Variants in SCHIP1 observed in about 807,000 individuals in gnomAD.
The protein encoded by SCHIP1 is schwannomin interacting protein 1.
SCHIP1 carries 8 observed loss-of-function variants against 29.7 expected under a neutral mutation model. That is an observed-to-expected ratio of 0.27 (90% CI 0.16 to 0.49). The LOEUF is 0.49. Ranked by LOEUF, SCHIP1 falls within the 20% of genes least tolerant of loss-of-function variation. The pLI, the probability that SCHIP1 is intolerant of heterozygous loss-of-function variation, is 0.99. For missense variants in SCHIP1, 193 were observed against 294.6 expected (o/e 0.66, Z 2.52); for synonymous variants, 76 against 94.9 (o/e 0.80, Z 1.16).
chr3:159,370,752 G>T, the SCHIP1 span, among the ~76,000 whole-genome samples: 6 of 152,166 alleles, frequency 3.9e-5, no homozygotes, highest in Non-Finnish European at 7.3e-5. Context: ...TATCTGACAT[G>T]AGAGTTCCTG....
At chr3:159,384,255 T>A in the SCHIP1 span, among the ~76,000 whole-genome samples, 1 of 151,258 alleles carries the variant, frequency 6.6e-6, no homozygotes, top group East Asian at 1.9e-4. Flanking sequence ...TTGTCATAGA[T>A]AGCTCTTATT....
the SCHIP1 span, among the ~76,000 whole-genome samples, chr3:159,653,777 G>C: frequency 6.7e-6 from 1 of 149,686 alleles, no homozygotes; most frequent in Non-Finnish European, 1.5e-5. Context: ...AGATTTGATA[G>C]ATCAGTAGGT....
At chr3:159,493,988 G>C in the SCHIP1 span, among the ~76,000 whole-genome samples, 1 of 152,036 alleles carries the variant, frequency 6.6e-6, no homozygotes, top group Non-Finnish European at 1.5e-5. Context: ...TGAACAACCT[G>C]CTCCTGAATG....
the SCHIP1 span, among the ~76,000 whole-genome samples, chr3:159,553,561 T>C: frequency 6.6e-6 from 1 of 152,226 alleles, no homozygotes; most frequent in Non-Finnish European, 1.5e-5. Flanking sequence ...TTTTGTGTTT[T>C]ACTTAAACTC....
chr3:159,728,245 G>T, the SCHIP1 span, among the ~76,000 whole-genome samples: 3 of 152,062 alleles, frequency 2.0e-5, no homozygotes, highest in Non-Finnish European at 4.4e-5. Flanking sequence ...CTAGGCAGGG[G>T]ATAAAGACTA....
At chr3:159,845,924 C>T (rs1379614803) in intron 1 of SCHIP1, 3 of 152,234 alleles carry the variant, frequency 2.0e-5, no homozygotes, top group African/African-American at 4.8e-5. Flanking sequence ...GCTTCTCAGC[C>T]TCTTGGCCAG....
chr3:159,281,944 T>C, the SCHIP1 span, among the ~76,000 whole-genome samples: 1 of 152,112 alleles, frequency 6.6e-6, no homozygotes. Flanking sequence ...TATATAAATA[T>C]AGCTCTTAAA....
At chr3:159,484,585 A>G in the SCHIP1 span, among the ~76,000 whole-genome samples, 1 of 152,170 alleles carries the variant, frequency 6.6e-6, no homozygotes, top group Non-Finnish European at 1.5e-5. Context: ...ACCCAAAGAA[A>G]AGTTCCTGTC....
chr3:159,671,778 CT>C, the SCHIP1 span, among the ~76,000 whole-genome samples: 4 of 152,100 alleles, frequency 2.6e-5, no homozygotes, highest in East Asian at 7.7e-4. Flanking sequence ...GAGACTGGGA[CT>C]TTGATTTAAA....
chr3:159,424,858 A>C, the SCHIP1 span, among the ~76,000 whole-genome samples: 43 of 152,180 alleles, frequency 2.8e-4, no homozygotes, highest in South Asian at 7.3e-3. Context: ...AGAAACTCTA[A>C]AAGCCAGAAG....
chr3:159,640,012 T>C, the SCHIP1 span, among the ~76,000 whole-genome samples: 5 of 152,358 alleles, frequency 3.3e-5, no homozygotes, highest in South Asian at 8.3e-4. Context: ...TATCTTTTTT[T>C]CCCATTTAGT....
the SCHIP1 span, among the ~76,000 whole-genome samples, chr3:159,580,628 G>A: frequency 6.6e-6 from 1 of 152,134 alleles, no homozygotes; most frequent in African/African-American, 2.4e-5. Flanking sequence ...CTAGAAAAAA[G>A]ATGCCTGCTT....
the SCHIP1 span, among the ~76,000 whole-genome samples, chr3:159,504,427 A>T: frequency 2.0e-5 from 3 of 152,216 alleles, no homozygotes; most frequent in Admixed American, 2.0e-4. Flanking sequence ...GGAATTTTAA[A>T]GTATATTTAC....
At chr3:159,850,965 G>A (rs1560081922) in intron 1 of SCHIP1, among the ~76,000 whole-genome samples, 1 of 152,114 alleles carries the variant, frequency 6.6e-6, no homozygotes, top group African/African-American at 2.4e-5. Flanking sequence ...TGTCTGTGTT[G>A]AACTCTAATC....
chr3:159,418,120 G>A, the SCHIP1 span, among the ~76,000 whole-genome samples: 24 of 152,274 alleles, frequency 1.6e-4, no homozygotes, highest in Admixed American at 5.9e-4. Context: ...TAACTAATAC[G>A]TATGTCTTAG....
At chr3:159,442,839 A>G in the SCHIP1 span, among the ~76,000 whole-genome samples, 1 of 152,186 alleles carries the variant, frequency 6.6e-6, no homozygotes, top group Non-Finnish European at 1.5e-5. Flanking sequence ...ACAGCACTCC[A>G]TTGCTGCAGT....
chr3:159,684,741 T>C, the SCHIP1 span, among the ~76,000 whole-genome samples: 3 of 149,692 alleles, frequency 2.0e-5, no homozygotes, highest in Non-Finnish European at 4.4e-5. Flanking sequence ...GAGGCGGAGG[T>C]TGCAGTGAGC....
chr3:159,850,086 C>T (rs1197275043), intron 1 of SCHIP1, among the ~76,000 whole-genome samples: 5 of 152,148 alleles, frequency 3.3e-5, no homozygotes, highest in South Asian at 2.1e-4. Flanking sequence ...CATCATATAG[C>T]GTACTAGGTT....
At chr3:159,527,966 T>G in the SCHIP1 span, among the ~76,000 whole-genome samples, 17 of 152,220 alleles carry the variant, frequency 1.1e-4, no homozygotes, top group Non-Finnish European at 1.9e-4. Flanking sequence ...ACAGATAACT[T>G]TTAGTGAATT....
Sources: gnomAD v4.1 joint callset for allele counts (sites outside exome capture counted in the v4.1 genomes callset) on GRCh38, gnomAD v4.1.1 for gene constraint, MANE v1.5 for transcripts, NCBI Gene and HGNC (gene_info 2026-07-23, HGNC 2026-07-21) for gene names.